Variants in LSS observed in about 807,000 individuals in gnomAD.
The protein encoded by LSS is lanosterol synthase, also known as 2,3-epoxysqualene-lanosterol cyclase.
LSS carries 90 observed loss-of-function variants against 110.3 expected under a neutral mutation model. The observed-to-expected ratio is 0.82, with a 90% CI of 0.69 to 0.97. The LOEUF (loss-of-function observed/expected upper bound fraction) is 0.97, where lower values mean the gene tolerates loss of function less well. Ranked by LOEUF, LSS falls within the 50% of genes least tolerant of loss-of-function variation. LSS has a pLI of 0.00. For synonymous variants in LSS, 433 were observed against 400.0 expected, an observed-to-expected ratio of 1.08 and a Z score of -0.98; for missense variants, 927 against 990.0, an observed-to-expected ratio of 0.94 and a Z score of 0.85.
Position 46,209,443 on chromosome 21 carries a change from C to A in LSS, c.1266+111G>T. 1 of 954,210 alleles carries A rather than the reference C, an allele frequency of 1.0e-6. No individual in the cohort carries two copies. Among genetic ancestry groups the A allele is most frequent in the South Asian group, 1.7e-5 (1 of 59,704 alleles). The allele number at this position is 954,210 out of a possible 1,614,324, so 59.1% of individuals were successfully genotyped here. ...GGAGGGTGGGGGTGACCTGAAACAC[C>A]AGTGCAGGAAATAGGGCAGGGTGGA... On this transcript the variant is annotated intron_variant, in intron 13 of 21. Coordinates refer to ENST00000397728, the MANE Select transcript of LSS (RefSeq NM_002340.6). This position sits in a 1 kb window ranked among gnomAD's most constrained non-coding sequence, Gnocchi z 4.4.
rs552762799 is a variant in LSS, at chr21:46,206,122, A to G, written c.1565-181T>C. ...AGGACACACACCTGTGCTACCTGAG[A>G]GCGAAGATGAGGGGAACACAGCAGA... On this transcript the variant is annotated intron_variant, in intron 16 of 21. Coordinates refer to ENST00000397728, the MANE Select transcript of LSS (RefSeq NM_002340.6). Among the ~76,000 whole-genome samples, 141 of 152,324 alleles carry G rather than the reference A, an allele frequency of 9.3e-4. 1 individual carries two copies. The highest frequency in any genetic ancestry group is 3.2e-3 in the African/African-American group (135 of 41,578).
In LSS at chr21:46,219,898, C is replaced by T. The variant is rs192465830; in HGVS notation, c.551-326G>A. The stretch of plus-strand genomic sequence containing the variant: ...GGGAAGGTCCAGGGACACCTCAGTG[C>T]TCAGGTGAGCGAGGGGCCCAGGTGC... On this transcript the variant is annotated intron_variant, in intron 5 of 21. Transcript: ENST00000397728. 2.6e-5 allele frequency among the ~76,000 whole-genome samples: 4 copies of T among 152,338 alleles called. No individual in the cohort carries two copies. In the East Asian group the frequency reaches 7.7e-4, roughly 29 times the overall value.
chr21:46,218,762 C>T lies in LSS; in HGVS notation c.647+714G>A, dbSNP rs189601012. ...TTTTTTTTGAGACAGAGTCTCACTCCGTCGCCAGGCTGGAATATGGTGGCA... is the reference window on the plus strand; with the variant it reads ...TTTTTTTTGAGACAGAGTCTCACTCTGTCGCCAGGCTGGAATATGGTGGCA... On this transcript the variant is annotated intron_variant, in intron 6 of 21. Transcript: ENST00000397728. Among the ~76,000 whole-genome samples, 64 of 149,812 alleles carry T rather than the reference C, an allele frequency of 4.3e-4. No individual in the cohort carries two copies. In the East Asian group the frequency reaches 8.4e-3, roughly 20 times the overall value.
chr21:46,191,844 T>C (rs1345991896), intron 21 of LSS, 37 bp downstream of exon 21: 2 of 1,575,788 alleles, frequency 1.3e-6, no homozygotes, highest in Middle Eastern at 1.7e-4. Flanking sequence ...TGGAGGTCAG[T>C]GCTGGGCCTT....
intron 17 of LSS, among the ~76,000 whole-genome samples, chr21:46,203,934 T>G (rs34105866): frequency 0.8 from 122,232 of 152,204 alleles, 49,606 homozygotes; most frequent in Middle Eastern, 0.88. Flanking sequence ...AGCCTCAAAT[T>G]CATATTTCAA....
chr21:46,214,571 T>C (rs1045797131), intron 9 of LSS, among the ~76,000 whole-genome samples: 1 of 152,168 alleles, frequency 6.6e-6, no homozygotes, highest in Non-Finnish European at 1.5e-5. Context: ...CCGCAGCAGC[T>C]ACGCGCACAG....
intron 14 of LSS, 134 bp downstream of exon 14, chr21:46,208,117 C>T: frequency 1.3e-6 from 1 of 758,754 alleles, no homozygotes; most frequent in Non-Finnish European, 2.2e-6. Flanking sequence ...AGGCATCCAC[C>T]ACAGCAGGAC....
At chr21:46,223,217 T>C (rs962410471) in intron 3 of LSS, among the ~76,000 whole-genome samples, 1 of 152,302 alleles carries the variant, frequency 6.6e-6, no homozygotes, top group African/African-American at 2.4e-5. Flanking sequence ...TGTTTCAAAA[T>C]TTTTTTACAA....
chr21:46,194,889 G>A lies in LSS; in HGVS notation c.1818-228C>T, dbSNP rs567705395. 4.6e-5 allele frequency among the ~76,000 whole-genome samples: 7 copies of A among 152,362 alleles called. No individual in the cohort carries two copies. In the East Asian group the frequency reaches 5.8e-4, roughly 13 times the overall value. On this transcript the variant is annotated intron_variant, in intron 19 of 21. Coordinates refer to ENST00000397728, the MANE Select transcript of LSS (RefSeq NM_002340.6). ...TCGCTGGGAAGACAAAGGGACATGCGAGTACCGAGGATGGCCTCACGGACG... is the reference window on the plus strand; with the variant it reads ...TCGCTGGGAAGACAAAGGGACATGCAAGTACCGAGGATGGCCTCACGGACG...
Position 46,195,658 on chromosome 21 carries a change from G to C in LSS, c.1817+18C>G, listed in dbSNP as rs748897336. ...GGGTTGAGAACCCCCACCCACCAGA[G>C]GACAGGCACTCACTCACCCATCTCG... On this transcript the variant is annotated intron_variant, in intron 19 of 21. Coordinates refer to ENST00000397728, the MANE Select transcript of LSS (RefSeq NM_002340.6). 7 of 1,611,196 alleles carry C rather than the reference G, an allele frequency of 4.3e-6. No homozygotes were observed. In the South Asian group the frequency reaches 7.7e-5, roughly 18 times the overall value.
chr21:46,190,744 C>A lies in LSS; in HGVS notation c.*360G>T. On this transcript the variant is annotated 3_prime_UTR_variant, in exon 22 of 22. Coordinates refer to ENST00000397728, the MANE Select transcript of LSS (RefSeq NM_002340.6). This position sits in a 1 kb window ranked among gnomAD's most constrained non-coding sequence, Gnocchi z 4.6. ...CTAAGGAATCACACAGGCACAGCTG[C>A]TCCTCTCCCAAGAACTCAGCTATTG... 1 of 250,048 alleles carries A rather than the reference C, an allele frequency of 4.0e-6. No individual in the cohort carries two copies. The allele number at this position is 250,048 out of a possible 1,614,324, so 15.5% of individuals were successfully genotyped here.
chr21:46,225,903 T>G (rs1164944264), intron 3 of LSS, among the ~76,000 whole-genome samples: 6 of 152,048 alleles, frequency 3.9e-5, no homozygotes, highest in Non-Finnish European at 5.9e-5. Context: ...CACGTCTTGG[T>G]GGTAGTGGTC....
In LSS at chr21:46,197,569, C is replaced by T. The variant is rs960676572; in HGVS notation, c.1671-1302G>A. 3.3e-5 allele frequency among the ~76,000 whole-genome samples: 5 copies of T among 152,288 alleles called. No homozygotes were observed. The East Asian group carries it at 7.7e-4, about 23-fold the overall frequency. On this transcript the variant is annotated intron_variant, in intron 17 of 21. Coordinates refer to ENST00000397728, the MANE Select transcript of LSS (RefSeq NM_002340.6). ...TGAAAATTTCAGGCTCACTCATGAACACAGATGCAAAACTCCAAATTAAAA... is the reference window on the plus strand; with the variant it reads ...TGAAAATTTCAGGCTCACTCATGAATACAGATGCAAAACTCCAAATTAAAA...
chr21:46,190,922 G>C lies in LSS; in HGVS notation c.*182C>G, dbSNP rs2079801455. 3.1e-6 allele frequency: 2 copies of C among 644,026 alleles called. No homozygotes were observed. The highest frequency in any genetic ancestry group is 5.2e-6 in the Non-Finnish European group (2 of 383,504). 39.9% of individuals were successfully genotyped at this position (644,026 alleles called of 1,614,324 possible). A position where few individuals can be genotyped will look rare whatever the true frequency, so the allele number is the denominator to read the frequency against. ...GAAATGAACCTACAGTAAAAATCAA[G>C]AGTCTAAGCCACCCACCCTGTCCCC... On this transcript the variant is annotated 3_prime_UTR_variant, in exon 22 of 22. Coordinates refer to ENST00000397728, the MANE Select transcript of LSS (RefSeq NM_002340.6). The surrounding 1 kb of genome is among the most constrained non-coding windows in gnomAD (Gnocchi z 4.6).
At chr21:46,198,046 C>G (rs1050936958) in intron 17 of LSS, among the ~76,000 whole-genome samples, 1 of 152,058 alleles carries the variant, frequency 6.6e-6, no homozygotes, top group African/African-American at 2.4e-5. Context: ...ATAATCATCT[C>G]AAAGCAGACG....
intron 17 of LSS, among the ~76,000 whole-genome samples, chr21:46,200,402 C>T (rs893346377): frequency 1.3e-5 from 2 of 151,960 alleles, no homozygotes; most frequent in Admixed American, 6.6e-5. Context: ...AAAAAAAAAG[C>T]AACTTCATAG....
At chr21:46,223,703 A>G (rs1402710260) in intron 3 of LSS, among the ~76,000 whole-genome samples, 3 of 152,254 alleles carry the variant, frequency 2.0e-5, no homozygotes, top group African/African-American at 7.2e-5. Flanking sequence ...TAACCTAGGA[A>G]AAACCAGGCC....
intron 17 of LSS, among the ~76,000 whole-genome samples, chr21:46,200,100 A>G (rs1331817232): frequency 6.6e-6 from 1 of 152,158 alleles, no homozygotes; most frequent in African/African-American, 2.4e-5. Context: ...TAAAAGATAA[A>G]GTACATAAAT....
chr21:46,213,811 C>T lies in LSS; in HGVS notation c.1036G>A (p.Val346Met). ...GCGGGCCCGTCCACATACCAGCGCA[C>T]AAGCATGTTGATGGTTTTCGAGATC... ...GPISKTINML[V>M]RWYVDGPAST... Residue 346 changes from valine to methionine, a missense_variant, in exon 10 of 22, where the codon GTG (valine) becomes ATG (methionine). Transcript: ENST00000397728. 6.2e-7 allele frequency: 1 copy of T among 1,614,000 alleles called. No individual in the cohort carries two copies. The highest frequency in any genetic ancestry group is 8.5e-7 in the Non-Finnish European group (1 of 1,179,966).
Sources: allele counts gnomAD v4.1 joint callset (sites outside exome capture counted in the v4.1 genomes callset), GRCh38; gene constraint gnomAD v4.1.1; non-coding constraint Gnocchi (gnomAD v3.1); transcripts MANE v1.5; gene names NCBI Gene and HGNC (gene_info 2026-07-23, HGNC 2026-07-21).